Variants in MTMR10 observed in about 807,000 individuals in gnomAD.
The protein encoded by MTMR10 is myotubularin-related protein 10.
Under a neutral mutation model 88.1 loss-of-function variants are expected in MTMR10, and 56 were observed. The observed-to-expected ratio is 0.64, with a 90% CI of 0.51 to 0.79. The LOEUF (loss-of-function observed/expected upper bound fraction) is 0.79. Among genes scored for constraint, MTMR10 ranks in the 30% least tolerant of loss-of-function variants. The pLI is 0.00. For missense variants in MTMR10, 883 were observed against 924.7 expected (o/e 0.95, Z 0.58); for synonymous variants, 380 against 340.9 (o/e 1.11, Z -1.26).
At chr15:30,922,565 C>G in the MTMR10 span, among the ~76,000 whole-genome samples, 1 of 152,174 alleles carries the variant, frequency 6.6e-6, no homozygotes, top group Non-Finnish European at 1.5e-5. Context: ...TTTGTCTTCT[C>G]TTTGCTGATT....
Position 30,991,413 on chromosome 15 carries a change from G to A in MTMR10, c.60+34C>T, listed in dbSNP as rs779096145. ...CTGGAGGCTCCACGGAAGCGCAGAG[G>A]AGAGTCGGGCGCTCGCGGGGAGGGG... On this transcript the variant is annotated intron_variant, in intron 1 of 15. Coordinates refer to ENST00000435680, the MANE Select transcript of MTMR10 (RefSeq NM_017762.3). 7 of 1,460,844 alleles carry A rather than the reference G, an allele frequency of 4.8e-6. No homozygotes were observed. The Admixed American group carries it at 8.6e-5, about 18-fold the overall frequency. 90.5% of individuals were successfully genotyped at this position (1,460,844 alleles called of 1,614,324 possible).
chr15:30,925,942 A>G, the MTMR10 span: 1 of 1,614,056 alleles, frequency 6.2e-7, no homozygotes, highest in Non-Finnish European at 8.5e-7. Context: ...TGACCAGGGT[A>G]ACTGAGCAGG....
At position 30,974,982 on chromosome 15, in the gene MTMR10, G is replaced by A; in HGVS notation, c.280C>T (p.Leu94Phe). The change falls in exon 4 of 16, where the codon CTT (leucine) becomes TTT (phenylalanine). Residue 94 changes from leucine (L) to phenylalanine (F), a missense_variant. Around this residue, in one of 3 missense-constraint regions of MTMR10, gnomAD observed 414 missense variants for 423.2 expected, o/e 0.98. Coordinates refer to ENST00000435680, the MANE Select transcript of MTMR10 (RefSeq NM_017762.3). ...PLQKFHYRNLLLGEHDVPLTC... is the reference protein window; with the variant it reads ...PLQKFHYRNLFLGEHDVPLTC... ...AAAGGGACATCGTGTTCACCAAGAA[G>A]AAGGTTTCTGTAATGGAATTTCTGG... 1 of 1,573,702 alleles carries A rather than the reference G, an allele frequency of 6.4e-7. No individual in the cohort carries two copies. The highest frequency in any genetic ancestry group is 8.6e-7 in the Non-Finnish European group (1 of 1,157,666).
intron 13 of MTMR10, 38 bp downstream of exon 13, chr15:30,948,264 C>T: frequency 6.4e-7 from 1 of 1,560,602 alleles, no homozygotes; most frequent in Non-Finnish European, 8.7e-7. Context: ...TTTTGTGTAT[C>T]CTTAAAGACT....
chr15:30,944,476 G>C (rs1434265653), intron 14 of MTMR10, among the ~76,000 whole-genome samples: 1 of 150,246 alleles, frequency 6.7e-6, no homozygotes, highest in Non-Finnish European at 1.5e-5. Flanking sequence ...TGTGGCAGGA[G>C]AATCACCTGA....
At chr15:30,965,931 G>A in intron 6 of MTMR10, 1 of 431,624 alleles carries the variant, frequency 2.3e-6, no homozygotes, top group South Asian at 1.7e-5. Flanking sequence ...TCATCCAGAA[G>A]TTCAAGAGTG....
intron 15 of MTMR10, 121 bp from the exon 16 acceptor site, chr15:30,942,193 T>C (rs1000097187): frequency 1.3e-5 from 16 of 1,208,200 alleles, no homozygotes; most frequent in Non-Finnish European, 1.7e-5. Flanking sequence ...TCAAAGAACA[T>C]TTTCCTCCCT....
chr15:30,975,027 A>G (rs1277202375), intron 3 of MTMR10, 24 bp from the exon 4 acceptor site: 3 of 1,471,170 alleles, frequency 2.0e-6, no homozygotes, highest in Non-Finnish European at 2.8e-6. Context: ...TTATGTTCAT[A>G]TTAATTCTTT....
At chr15:30,965,856 A>T (rs1012790693) in intron 6 of MTMR10, 2 of 328,294 alleles carry the variant, frequency 6.1e-6, no homozygotes. Context: ...TTATTTGTGG[A>T]AACAGCTTTG....
At chr15:30,961,173 C>G in intron 6 of MTMR10, 100 bp from the exon 7 acceptor site, 2 of 1,400,198 alleles carry the variant, frequency 1.4e-6, no homozygotes, top group Admixed American at 5.3e-5. Flanking sequence ...GATGTGCTGT[C>G]TCTAACCTGC....
Position 30,942,938 on chromosome 15 carries a change from G to A in MTMR10, c.1683C>T (p.Ser561=), listed in dbSNP as rs771024863. The A allele has an allele frequency of 6.4e-7, 1 of 1,566,982 alleles. No homozygotes were observed. Among genetic ancestry groups the A allele is most frequent in the Admixed American group, 1.9e-5 (1 of 53,168 alleles). Residue 561 remains serine, a synonymous_variant, in exon 15 of 16, where the codon AGC becomes AGT. Transcript: ENST00000435680. ...CGGAGCCATTCTGTATACAAGGTGT[G>A]CTCTTTCCAATGTAGAAGGGGTTAT... The part of the protein sequence containing the change: ...LFHNPFYIGK[S]TPCIQNGSVK...
intron 9 of MTMR10, among the ~76,000 whole-genome samples, chr15:30,955,316 G>A (rs2063307330): frequency 6.6e-6 from 1 of 152,190 alleles, no homozygotes; most frequent in African/African-American, 2.4e-5. Context: ...TGTCGCCCAG[G>A]CTGGAGTGCA....
At chr15:30,927,443 G>C in the MTMR10 span, 1 of 985,536 alleles carries the variant, frequency 1.0e-6, no homozygotes, top group South Asian at 4.7e-5. Flanking sequence ...CTGCAGGGAT[G>C]AGGGGCTAGA....
chr15:30,951,905 A>T (rs1225782804), intron 12 of MTMR10, 63 bp downstream of exon 12: 2 of 1,353,348 alleles, frequency 1.5e-6, no homozygotes, highest in Admixed American at 1.7e-5. Context: ...GAATGGGGAC[A>T]AGCAGTAAAC....
At chr15:30,986,886 T>G (rs1335896095) in intron 2 of MTMR10, among the ~76,000 whole-genome samples, 1 of 152,198 alleles carries the variant, frequency 6.6e-6, no homozygotes, top group Non-Finnish European at 1.5e-5. Context: ...ACTCACATCC[T>G]CACCGAACCG....
At chr15:30,934,607 C>T (rs1008727726), downstream of MTMR10, among the ~76,000 whole-genome samples, 9 of 152,132 alleles carry the variant, frequency 5.9e-5, no homozygotes, top group African/African-American at 2.2e-4. Context: ...TCTCAAATCC[C>T]CAGGCTCAAG....
intron 2 of MTMR10, among the ~76,000 whole-genome samples, chr15:30,987,631 G>A (rs1426456842): frequency 6.6e-6 from 1 of 152,012 alleles, no homozygotes. Flanking sequence ...TGGACCCAAG[G>A]CATTATGCCA....
At chr15:30,938,788 T>C (rs555714264), downstream of MTMR10, among the ~76,000 whole-genome samples, 76 of 152,258 alleles carry the variant, frequency 5.0e-4, no homozygotes, top group African/African-American at 1.8e-3. Context: ...CACTTCCGAA[T>C]TGCTGTTAAA....
In MTMR10 at chr15:30,942,932, A is replaced by G; in HGVS notation, c.1689T>C (p.Pro563=). The G allele has an allele frequency of 1.9e-6, 3 of 1,568,046 alleles. No individual in the cohort carries two copies. The highest frequency in any genetic ancestry group is 2.6e-6 in the Non-Finnish European group (3 of 1,154,172). The change falls in exon 15 of 16, where the codon CCT becomes CCC. Residue 563 remains proline (P), a synonymous_variant. Transcript: ENST00000435680. ...HNPFYIGKST[P]CIQNGSVKSF... ...ACTTCACGGAGCCATTCTGTATACA[A>G]GGTGTGCTCTTTCCAATGTAGAAGG...
Sources: allele counts gnomAD v4.1 joint callset (sites outside exome capture counted in the v4.1 genomes callset), GRCh38; gene constraint gnomAD v4.1.1; regional missense constraint gnomAD v4.1.1; transcripts MANE v1.5; gene names NCBI Gene and HGNC (gene_info 2026-07-23, HGNC 2026-07-21).